Variants in TLE2 observed in about 807,000 individuals in gnomAD.
The protein encoded by TLE2 is transducin-like enhancer protein 2.
In TLE2, 74 loss-of-function variants were observed where a neutral mutation model predicts 97.2. The ratio of observed to expected loss-of-function variants is 0.76; its 90% CI spans 0.63 to 0.92. TLE2 has a LOEUF of 0.92. Among genes scored for constraint, TLE2 ranks in the 40% least tolerant of loss-of-function variants. TLE2 has a pLI of 0.00. For missense variants in TLE2, 1,038 were observed against 1,008.7 expected (o/e 1.03, Z -0.39); for synonymous variants, 499 against 432.1 (o/e 1.15, Z -1.92).
rs2089548817 is a variant in TLE2 at position 3,009,626 on chromosome 19, T to A, written c.1089A>T (p.Gly363=). 8 of 1,613,274 alleles carry A rather than the reference T, an allele frequency of 5.0e-6. No individual in the cohort carries two copies. The East Asian group carries it at 1.8e-4, about 36-fold the overall frequency. The change falls in exon 13 of 20, where the codon GGA becomes GGT. Residue 363 remains glycine, a synonymous_variant. Transcript: ENST00000262953. The part of the protein sequence containing the change: ...FSLGSHSTLN[G]DLSVPSSYVS... ...CGTAGGAGCTGGGCACGGAGAGGTC[T>A]CCGTTGAGAGTGCTGTGGGAGCCCA...
At chr19:3,045,941 C>T (rs1385941597), upstream of TLE2, 1 of 292,180 alleles carries the variant, frequency 3.4e-6, no homozygotes, top group South Asian at 2.9e-5. Flanking sequence ...ACAGACCCTC[C>T]TTCAGAGAGA....
chr19:3,028,000 C>T (rs1027362686), intron 3 of TLE2, 127 bp from the exon 4 acceptor site: 2 of 971,898 alleles, frequency 2.1e-6, no homozygotes, highest in African/African-American at 3.3e-5. Context: ...AGAGCCCCCC[C>T]CAGCTCCACG....
In TLE2 at chr19:3,006,411, C is replaced by A. The variant is rs768651429; in HGVS notation, c.1500+9G>T. ...GTGAGTCCCGCCCACTGTCCCACCC[C>A]GCCCTCACCAGGCAGTCGAGCTGGG... On this transcript the variant is annotated intron_variant, in intron 15 of 19. Coordinates refer to ENST00000262953, the MANE Select transcript of TLE2 (RefSeq NM_003260.5). 2.5e-6 allele frequency: 4 copies of A among 1,608,616 alleles called. No individual in the cohort carries two copies. Among genetic ancestry groups the A allele is most frequent in the East Asian group, 2.2e-5 (1 of 44,812 alleles).
chr19:3,024,450 C>T (rs2089905253), intron 5 of TLE2, among the ~76,000 whole-genome samples: 1 of 152,046 alleles, frequency 6.6e-6, no homozygotes, highest in African/African-American at 2.4e-5. Context: ...ACTCTCACTC[C>T]CCGTCCCCTC....
At chr19:3,016,743 T>C (rs1339610018) in intron 8 of TLE2, among the ~76,000 whole-genome samples, 5 of 152,040 alleles carry the variant, frequency 3.3e-5, no homozygotes. Flanking sequence ...AGGTCATGCA[T>C]TCATTTATTT....
chr19:2,998,436 C>G (rs889673104), intron 19 of TLE2, among the ~76,000 whole-genome samples: 1 of 151,658 alleles, frequency 6.6e-6, no homozygotes, highest in Non-Finnish European at 1.5e-5. Flanking sequence ...TGCCACCATG[C>G]CTGGCTAATT....
intron 13 of TLE2, among the ~76,000 whole-genome samples, chr19:3,009,292 C>T (rs1175285071): frequency 6.6e-6 from 1 of 152,238 alleles, no homozygotes; most frequent in Non-Finnish European, 1.5e-5. Context: ...TGTCCCGAGG[C>T]CAAGGCCCTA....
chr19:3,043,922 T>C (rs552724687), intron 1 of TLE2, among the ~76,000 whole-genome samples: 1 of 152,192 alleles, frequency 6.6e-6, no homozygotes, highest in South Asian at 2.1e-4. Context: ...GGGCAGAGGT[T>C]GCAGTGAGCC....
At chr19:3,034,143 T>C (rs1425649781), upstream of TLE2, among the ~76,000 whole-genome samples, 2 of 151,894 alleles carry the variant, frequency 1.3e-5, no homozygotes, top group Non-Finnish European at 2.9e-5. Flanking sequence ...ATCCCCCAGA[T>C]ACTCTAAACC....
At chr19:3,031,969 C>G (rs1278534910), upstream of TLE2, among the ~76,000 whole-genome samples, 1 of 152,082 alleles carries the variant, frequency 6.6e-6, no homozygotes, top group Non-Finnish European at 1.5e-5. Context: ...GCTCTGCTGC[C>G]CAGGCTGGAG....
chr19:3,030,678 C>G (rs921697780), upstream of TLE2, among the ~76,000 whole-genome samples: 1 of 152,132 alleles, frequency 6.6e-6, no homozygotes, highest in Non-Finnish European at 1.5e-5. Context: ...AGCTCCAGCA[C>G]TTTGGGAAGC....
Position 2,997,975 on chromosome 19 carries a change from A to ATT in TLE2, c.2125-21_2125-20insAA. 6.3e-7 allele frequency: 1 copy of ATT among 1,576,904 alleles called. No homozygotes were observed. Among genetic ancestry groups the ATT allele is most frequent in the Non-Finnish European group, 8.7e-7 (1 of 1,151,628 alleles). On this transcript the variant is annotated intron_variant, in intron 19 of 19. Transcript: ENST00000262953. ...CTTGGACTGCCAAGGGAAGGGAGAG[A>ATT]GAAAAGGGCACAGTGAGGCATGGTC... is the stretch of plus-strand genomic sequence containing the variant.
chr19:3,042,070 T>G (rs1599258003), intron 1 of TLE2, among the ~76,000 whole-genome samples: 5 of 139,410 alleles, frequency 3.6e-5, no homozygotes, highest in South Asian at 2.4e-4. Context: ...AGCAGGGGAG[T>G]GAGGGGATTG....
intron 9 of TLE2, among the ~76,000 whole-genome samples, 159 bp from the exon 10 acceptor site, chr19:3,014,773 C>G (rs918700420): frequency 6.6e-6 from 1 of 152,068 alleles, no homozygotes; most frequent in African/African-American, 2.4e-5. Flanking sequence ...GAAGGGAAGG[C>G]TGCACGTGCC....
intron 1 of TLE2, among the ~76,000 whole-genome samples, chr19:3,036,730 G>T (rs977704003): frequency 1.4e-5 from 2 of 143,402 alleles, no homozygotes; most frequent in African/African-American, 5.0e-5. Flanking sequence ...CAGTGAGATT[G>T]CTGGACAAAA....
chr19:3,009,776 C>G, intron 12 of TLE2, 74 bp from the exon 13 acceptor site: 2 of 1,519,160 alleles, frequency 1.3e-6, no homozygotes, highest in South Asian at 2.5e-5. Context: ...TTGGGAGCTC[C>G]CTGGCCTTTC....
At chr19:3,024,331 G>T (rs1475647232) in intron 5 of TLE2, among the ~76,000 whole-genome samples, 2 of 151,968 alleles carry the variant, frequency 1.3e-5, no homozygotes, top group African/African-American at 2.4e-5. Flanking sequence ...TTAACCATTT[G>T]TAAGTGCACA....
At chr19:3,010,437 C>A (rs1443500251) in intron 12 of TLE2, among the ~76,000 whole-genome samples, 1 of 152,012 alleles carries the variant, frequency 6.6e-6, no homozygotes, top group African/African-American at 2.4e-5. Context: ...CCTTGAGCCT[C>A]CCCATTGCCA....
chr19:3,043,643 CA>C (rs35442589), intron 1 of TLE2, among the ~76,000 whole-genome samples: 16,629 of 120,440 alleles, frequency 0.14, 1,316 homozygotes, highest in African/African-American at 0.26. Flanking sequence ...ACTAAAAATA[CA>C]AAAAAAAAAA....
Sources: gnomAD v4.1 joint callset for allele counts (sites outside exome capture counted in the v4.1 genomes callset) on GRCh38, gnomAD v4.1.1 for gene constraint, MANE v1.5 for transcripts, NCBI Gene and HGNC (gene_info 2026-07-23, HGNC 2026-07-21) for gene names.